The following LPCAT2 variants were observed in gnomAD, a reference collection of about 807,000 sequenced individuals.
The protein encoded by LPCAT2 is 1-AGP acyltransferase 11.
A neutral mutation model predicts 64.7 loss-of-function variants in LPCAT2; 58 were observed. The ratio of observed to expected loss-of-function variants is 0.90; its 90% CI spans 0.73 to 1.12. The LOEUF (loss-of-function observed/expected upper bound fraction) is 1.12, where lower values mean the gene tolerates loss of function less well. Among genes scored for constraint, LPCAT2 ranks in the 50% most tolerant of loss-of-function variants. The pLI is 0.00. For synonymous variants in LPCAT2, 252 were observed against 245.3 expected (o/e 1.03, Z -0.26); for missense variants, 579 against 669.8 (o/e 0.86, Z 1.50).
At chr16:55,513,039 T>G (rs1451981659) in intron 1 of LPCAT2, among the ~76,000 whole-genome samples, 1 of 152,122 alleles carries the variant, frequency 6.6e-6, no homozygotes, top group Non-Finnish European at 1.5e-5. Context: ...CTGTAATATA[T>G]CACCCAAAAT....
At chr16:55,550,585 T>C (rs1415747518) in intron 10 of LPCAT2, among the ~76,000 whole-genome samples, 4 of 152,232 alleles carry the variant, frequency 2.6e-5, no homozygotes, top group African/African-American at 9.6e-5. Context: ...CCCTGAGATA[T>C]TTGAGATAAT....
At chr16:55,510,735 A>T (rs781669963) in intron 1 of LPCAT2, among the ~76,000 whole-genome samples, 16 of 152,048 alleles carry the variant, frequency 1.1e-4, no homozygotes, top group Admixed American at 3.3e-4. Flanking sequence ...CATGTCTTTA[A>T]ATTAATAGAT....
In LPCAT2 at chr16:55,556,091, A is replaced by T. The variant is rs1416957196; in HGVS notation, c.1215+4989A>T. On this transcript the variant is annotated intron_variant, in intron 11 of 13. Transcript: ENST00000262134. Reference sequence around the variant, plus strand: ...TGGCTTCCCAAAGTGCTGGGATTACAGGTGTGAGTTACCACACCAGCCACA... The same window carrying T: ...TGGCTTCCCAAAGTGCTGGGATTACTGGTGTGAGTTACCACACCAGCCACA... Among the ~76,000 whole-genome samples the T allele has an allele frequency of 2.0e-5, 3 of 152,220 alleles. No homozygotes were observed. In the East Asian group the frequency reaches 5.8e-4, roughly 29 times the overall value.
chr16:55,561,485 G>C (rs572820685), intron 11 of LPCAT2, among the ~76,000 whole-genome samples: 1 of 150,754 alleles, frequency 6.6e-6, no homozygotes, highest in Non-Finnish European at 1.5e-5. Context: ...AGGAGAAAAA[G>C]CTTGTTAATC....
intron 11 of LPCAT2, among the ~76,000 whole-genome samples, chr16:55,571,031 G>C (rs369291993): frequency 4.7e-4 from 71 of 152,072 alleles, no homozygotes; most frequent in African/African-American, 1.7e-3. Context: ...TCATTTACAG[G>C]GATGATATAT....
intron 1 of LPCAT2, among the ~76,000 whole-genome samples, chr16:55,522,236 A>C (rs1237065105): frequency 6.6e-6 from 1 of 151,758 alleles, no homozygotes; most frequent in Non-Finnish European, 1.5e-5. Context: ...CAAGTAATCT[A>C]ATTTATAACA....
intron 2 of LPCAT2, among the ~76,000 whole-genome samples, chr16:55,527,847 A>T (rs970588703): frequency 3.3e-5 from 5 of 152,206 alleles, no homozygotes; most frequent in Non-Finnish European, 5.9e-5. Flanking sequence ...CAAGACTTTT[A>T]AAAAAATTCC....
chr16:55,559,274 C>T (rs1282702873), intron 11 of LPCAT2, among the ~76,000 whole-genome samples: 2 of 152,156 alleles, frequency 1.3e-5, no homozygotes, highest in African/African-American at 4.8e-5. Flanking sequence ...GTTCTTCTGG[C>T]ATTACTATGT....
intron 1 of LPCAT2, among the ~76,000 whole-genome samples, chr16:55,513,367 T>C (rs971541107): frequency 2.0e-5 from 3 of 152,116 alleles, no homozygotes; most frequent in Non-Finnish European, 4.4e-5. Flanking sequence ...ACATTGAAGA[T>C]GGTAGAAGAA....
In LPCAT2 at chr16:55,520,428, GA is replaced by G. The variant is rs534417837; in HGVS notation, c.172-5079del. On this transcript the variant is annotated intron_variant, in intron 1 of 13. Coordinates refer to ENST00000262134, the MANE Select transcript of LPCAT2 (RefSeq NM_017839.5). Reference sequence around the variant, plus strand: ...AAGAAATAAATAAAACATAATTGAGGATGGTAACACACCTTTCTTGGTAATT... The same window carrying G: ...AAGAAATAAATAAAACATAATTGAGGTGGTAACACACCTTTCTTGGTAATT... Among the ~76,000 whole-genome samples the G allele has an allele frequency of 1.4e-4, 22 of 152,072 alleles. No homozygotes were observed. The South Asian group carries it at 2.7e-3, about 19-fold the overall frequency.
chr16:55,574,501 A>G, intron 11 of LPCAT2, 130 bp from the exon 12 acceptor site: 1 of 674,098 alleles, frequency 1.5e-6, no homozygotes, highest in South Asian at 1.7e-5. Context: ...GTTCCTTCTT[A>G]GTGAGACTTT....
chr16:55,540,738 T>G (rs559437251), intron 8 of LPCAT2: 1 of 193,868 alleles, frequency 5.2e-6, no homozygotes, highest in Admixed American at 5.3e-5. Context: ...CCCCCTTATC[T>G]GTAGGGGATA....
At chr16:55,566,856 G>A (rs1255968474) in intron 11 of LPCAT2, 4 of 1,613,854 alleles carry the variant, frequency 2.5e-6, no homozygotes, top group South Asian at 2.2e-5. Flanking sequence ...AGAAGGAGGA[G>A]GAAGAAATAT....
In LPCAT2 at chr16:55,542,043, C is replaced by A. The variant is rs1053798251; in HGVS notation, c.853-3692C>A. 5.0e-5 allele frequency: 51 copies of A among 1,028,588 alleles called. No homozygotes were observed. In the African/African-American group the frequency reaches 7.1e-4, roughly 14 times the overall value. 63.7% of individuals were successfully genotyped at this position (1,028,588 alleles called of 1,614,324 possible). ...ATAGTGTCATAATTCTTCAATCTTCCTCATCATTTTTTTAGTAGAAAGGAA... is the reference window on the plus strand; with the variant it reads ...ATAGTGTCATAATTCTTCAATCTTCATCATCATTTTTTTAGTAGAAAGGAA... On this transcript the variant is annotated intron_variant, in intron 8 of 13. Transcript: ENST00000262134.
At chr16:55,566,658 A>C in intron 11 of LPCAT2, 1 of 1,326,124 alleles carries the variant, frequency 7.5e-7, no homozygotes, top group Non-Finnish European at 1.0e-6. Flanking sequence ...CAGGTAAAGA[A>C]AAGCCAGTTC....
intron 8 of LPCAT2, chr16:55,540,366 G>A (rs1318795526): frequency 1.3e-5 from 2 of 152,086 alleles, no homozygotes; most frequent in Non-Finnish European, 1.5e-5. Context: ...TGTTCTTAAA[G>A]TATCTTTTAG....
At chr16:55,523,541 C>A (rs1472397258) in intron 1 of LPCAT2, among the ~76,000 whole-genome samples, 1 of 151,562 alleles carries the variant, frequency 6.6e-6, no homozygotes, top group Non-Finnish European at 1.5e-5. Context: ...TGCCCATGAA[C>A]AAGTAAATAG....
Position 55,574,655 on chromosome 16 carries a change from CGAG to C in LPCAT2, c.1241_1243del (p.Arg414_Glu415delinsGln). The C allele has an allele frequency of 6.8e-6, 11 of 1,613,310 alleles. No individual in the cohort carries two copies. The highest frequency in any genetic ancestry group is 9.3e-6 in the Non-Finnish European group (11 of 1,179,526). On this transcript the variant is annotated inframe_deletion, in exon 12 of 14. Coordinates refer to ENST00000262134, the MANE Select transcript of LPCAT2 (RefSeq NM_017839.5). Reference sequence around the variant, plus strand: ...GAACCATGATGGCAGCATTGACTTCCGAGAGTATGTGATTGGCCTGGCTGTCTT... The same window carrying C: ...GAACCATGATGGCAGCATTGACTTCCAGTATGTGATTGGCCTGGCTGTCTT...
intron 1 of LPCAT2, among the ~76,000 whole-genome samples, chr16:55,515,353 AAAG>A (rs60689806): frequency 0.013 from 1,938 of 152,302 alleles, 44 homozygotes; most frequent in African/African-American, 0.04. Flanking sequence ...CAAAGCGCTG[AAAG>A]AAGACTGTCA....
Sources: allele counts gnomAD v4.1 joint callset (sites outside exome capture counted in the v4.1 genomes callset), GRCh38; gene constraint gnomAD v4.1.1; transcripts MANE v1.5; gene names NCBI Gene and HGNC (gene_info 2026-07-23, HGNC 2026-07-21).